FRYL: variants seen among roughly 807,000 people sequenced by gnomAD.
The protein encoded by FRYL is FRY like transcription coactivator.
Under a neutral mutation model 351.2 loss-of-function variants are expected in FRYL, and 150 were observed. The observed-to-expected ratio is 0.43, with a 90% CI of 0.37 to 0.49. FRYL has a LOEUF of 0.49. FRYL is among the 20% of genes least tolerant of loss of function. The pLI, the probability that FRYL is intolerant of heterozygous loss-of-function variation, is 0.00. For synonymous variants in FRYL, 1,153 were observed against 1,257.1 expected (o/e 0.92, Z 1.75); for missense variants, 3,036 against 3,619.3 (o/e 0.84, Z 4.13).
intron 28 of FRYL, among the ~76,000 whole-genome samples, chr4:48,566,541 G>C (rs1332408205): frequency 1.3e-4 from 20 of 152,114 alleles, no homozygotes; most frequent in Non-Finnish European, 1.8e-4. Context: ...ATGAAAACAA[G>C]GCTCCTACAG....
intron 32 of FRYL, 78 bp from the exon 33 acceptor site, chr4:48,561,714 T>A (rs565692156): frequency 9.2e-5 from 107 of 1,161,670 alleles, no homozygotes; most frequent in Non-Finnish European, 1.1e-4. Context: ...TTATAATTTT[T>A]AAAAAAACTC....
intron 1 of FRYL, among the ~76,000 whole-genome samples, chr4:48,731,508 G>A (rs1263393127): frequency 6.6e-6 from 1 of 152,196 alleles, no homozygotes; most frequent in Non-Finnish European, 1.5e-5. Flanking sequence ...AAAGCTGGAG[G>A]CATCAGGCTA....
At chr4:48,675,896 A>C (rs1283351844) in intron 3 of FRYL, among the ~76,000 whole-genome samples, 1 of 152,118 alleles carries the variant, frequency 6.6e-6, no homozygotes, top group African/African-American at 2.4e-5. Context: ...AAGGTTTGTA[A>C]ATACACCAAT....
chr4:48,581,350 ATAAGGATGGACAAAGAGATGGTTTT>A (rs1740864025), intron 21 of FRYL, 45 bp downstream of exon 21: 1 of 1,386,074 alleles, frequency 7.2e-7, no homozygotes, highest in Non-Finnish European at 9.9e-7. Flanking sequence ...CCTACATGGG[ATAAGGATGGACAAAGAGATGGTTTT>A]TAAGTACTTT....
intron 3 of FRYL, among the ~76,000 whole-genome samples, chr4:48,643,863 A>C (rs1416356404): frequency 3.9e-5 from 6 of 152,200 alleles, no homozygotes; most frequent in Non-Finnish European, 8.8e-5. Context: ...GAACATGTGG[A>C]AAGACATAGT....
At chr4:48,654,986 CATT>C (rs1758522382) in intron 3 of FRYL, among the ~76,000 whole-genome samples, 1 of 152,174 alleles carries the variant, frequency 6.6e-6, no homozygotes, top group African/African-American at 2.4e-5. Context: ...ATCTACATGG[CATT>C]GTACCCTTTA....
In FRYL at chr4:48,499,409, G is replaced by GGCCT. The variant is rs955935521; in HGVS notation, c.*9_*12dup. 9 of 1,612,522 alleles carry GGCCT rather than the reference G, an allele frequency of 5.6e-6. No individual in the cohort carries two copies. Among genetic ancestry groups the GGCCT allele is most frequent in the Non-Finnish European group, 7.6e-6 (9 of 1,178,672 alleles). ...TCTTCAGTTTAGTTTCTTTCCTAAAGGCCTGAAGTGTCTCAGAATCCAGTG... is the reference window on the plus strand; with the variant it reads ...TCTTCAGTTTAGTTTCTTTCCTAAAGGCCTGCCTGAAGTGTCTCAGAATCCAGTG... On this transcript the variant is annotated 3_prime_UTR_variant, in exon 64 of 64. Transcript: ENST00000358350.
In FRYL at chr4:48,567,525, G is replaced by A. The variant is rs1737056485; in HGVS notation, c.2997-105C>T. On this transcript the variant is annotated intron_variant, in intron 27 of 63. Coordinates refer to ENST00000358350, the MANE Select transcript of FRYL (RefSeq NM_015030.2). This position sits in a 1 kb window ranked among gnomAD's most constrained non-coding sequence, Gnocchi z 4.2. ...AGAATAATACATGTTAATTTTGCAT[G>A]CTCATGGCAGCACGCAACTTAATAT... 2.7e-6 allele frequency: 2 copies of A among 738,096 alleles called. No homozygotes were observed. The highest frequency in any genetic ancestry group is 4.2e-6 in the Non-Finnish European group (2 of 479,826). The allele number at this position is 738,096 out of a possible 1,614,324, so 45.7% of individuals were successfully genotyped here.
chr4:48,522,743 T>C (rs1000128256), intron 54 of FRYL, among the ~76,000 whole-genome samples, 158 bp downstream of exon 54: 1 of 152,216 alleles, frequency 6.6e-6, no homozygotes, highest in African/African-American at 2.4e-5. Context: ...AGTTTAGTGC[T>C]GTCATGAATA....
chr4:48,718,490 G>A (rs868124428), intron 1 of FRYL, among the ~76,000 whole-genome samples: 2 of 151,352 alleles, frequency 1.3e-5, no homozygotes, highest in Admixed American at 1.3e-4. Context: ...TACTCTATAC[G>A]TTAGTTGTAT....
At chr4:48,774,870 C>T (rs1467522488) in intron 1 of FRYL, among the ~76,000 whole-genome samples, 5 of 152,108 alleles carry the variant, frequency 3.3e-5, no homozygotes, top group South Asian at 4.1e-4. Context: ...TAATATTTTT[C>T]GTAACAAAAA....
intron 10 of FRYL, among the ~76,000 whole-genome samples, chr4:48,606,151 T>C (rs1300359306): frequency 6.8e-6 from 1 of 146,050 alleles, no homozygotes; most frequent in Non-Finnish European, 1.5e-5. Flanking sequence ...CAGGCGCCTG[T>C]AATCCCAACT....
At position 48,499,587 on chromosome 4, in the gene FRYL, C is replaced by A. The variant is rs766586479; in HGVS notation, c.8877G>T (p.Gln2959His). 3 of 1,614,024 alleles carry A rather than the reference C, an allele frequency of 1.9e-6. No homozygotes were observed. In the African/African-American group the frequency reaches 4.0e-5, roughly 22 times the overall value. ...AGCCTATAACTGCAAAGCTTCCTGTCTGGCCCAGCGTCTGATGATGGAAAT... is the reference window on the plus strand; with the variant it reads ...AGCCTATAACTGCAAAGCTTCCTGTATGGCCCAGCGTCTGATGATGGAAAT... ...HIYFHHQTLG[Q>H]TGSFAVIGSN... The change falls in exon 64 of 64, where the codon CAG becomes CAT. Residue 2959 changes from glutamine (Q) to histidine (H), a missense_variant. Gln to His is a conservative substitution (Grantham distance 24). Around this residue, in one of 7 missense-constraint regions of FRYL, gnomAD observed 1,987 missense variants for 2,311.7 expected, o/e 0.86. Transcript: ENST00000358350.
At chr4:48,692,249 C>G (rs1345250532) in intron 2 of FRYL, among the ~76,000 whole-genome samples, 5 of 152,104 alleles carry the variant, frequency 3.3e-5, no homozygotes, top group Admixed American at 1.3e-4. Flanking sequence ...GGGCCTAAAT[C>G]GCCTTTTTGA....
At position 48,522,922 on chromosome 4, in the gene FRYL, C is replaced by T; in HGVS notation, c.7500G>A (p.Gln2500=). 1.2e-6 allele frequency: 2 copies of T among 1,613,786 alleles called. No homozygotes were observed. The highest frequency in any genetic ancestry group is 1.7e-6 in the Non-Finnish European group (2 of 1,179,698). The change falls in exon 54 of 64, where the codon CAG becomes CAA. Residue 2500 remains glutamine, a synonymous_variant. Transcript: ENST00000358350. ...ATACCATCTGTGTGCGTGAGAGTAT[C>T]TGGCTTGCTGTAAGTGCCGCTTCTT... ...SEEEAALTAS[Q]ILSRTQMLNS... is the part of the protein sequence containing the mutation.
chr4:48,719,296 G>T (rs1769206606), intron 1 of FRYL, among the ~76,000 whole-genome samples: 1 of 151,568 alleles, frequency 6.6e-6, no homozygotes, highest in African/African-American at 2.4e-5. Flanking sequence ...CCTACACACA[G>T]ATCTAACGCA....
At chr4:48,538,690 C>A (rs149865599) in intron 47 of FRYL, among the ~76,000 whole-genome samples, 1 of 151,860 alleles carries the variant, frequency 6.6e-6, no homozygotes, top group African/African-American at 2.4e-5. Context: ...ATTTTATTTG[C>A]TTGTTCTCTT....
chr4:48,682,367 G>A (rs1328729639), intron 3 of FRYL, among the ~76,000 whole-genome samples: 1 of 152,114 alleles, frequency 6.6e-6, no homozygotes, highest in African/African-American at 2.4e-5. Flanking sequence ...CATGGGCAAA[G>A]ACTTCATGAC....
chr4:48,581,063 T>G (rs2149159961), intron 21 of FRYL, 112 bp from the exon 22 acceptor site: 1 of 594,394 alleles, frequency 1.7e-6, no homozygotes, highest in African/African-American at 1.9e-5. Flanking sequence ...TTTTTTTTTT[T>G]GAGACGGAGT....
Sources: allele counts gnomAD v4.1 joint callset (sites outside exome capture counted in the v4.1 genomes callset), GRCh38; gene constraint gnomAD v4.1.1; regional missense constraint gnomAD v4.1.1; non-coding constraint Gnocchi (gnomAD v3.1); transcripts MANE v1.5; gene names NCBI Gene and HGNC (gene_info 2026-07-23, HGNC 2026-07-21).